Variants in FHIT observed in about 807,000 individuals in gnomAD.
FHIT encodes the protein fragile histidine triad diadenosine triphosphatase.
FHIT carries 19 observed loss-of-function variants against 17.9 expected under a neutral mutation model. That is an observed-to-expected ratio of 1.06 (90% CI 0.74 to 1.56). The LOEUF (loss-of-function observed/expected upper bound fraction) is 1.56. Among genes scored for constraint, FHIT ranks in the 40% most tolerant of loss-of-function variants. The pLI is 0.00. For missense variants in FHIT, 248 were observed against 189.2 expected, an observed-to-expected ratio of 1.31 and a Z score of -1.82; for synonymous variants, 81 against 69.7, an observed-to-expected ratio of 1.16 and a Z score of -0.81.
At chr3:60,526,865 G>A (rs1231989625) in intron 5 of FHIT, among the ~76,000 whole-genome samples, 2 of 152,178 alleles carry the variant, frequency 1.3e-5, no homozygotes, top group East Asian at 1.9e-4. Flanking sequence ...CCCAAGAGAT[G>A]TGACTTTTGA....
chr3:60,544,038 A>G (rs1375732826), intron 4 of FHIT, among the ~76,000 whole-genome samples: 1 of 149,632 alleles, frequency 6.7e-6, no homozygotes, highest in Non-Finnish European at 1.5e-5. Flanking sequence ...GATTACAGGC[A>G]TGAGCCACCG....
At chr3:60,926,470 G>A (rs146846098) in intron 3 of FHIT, among the ~76,000 whole-genome samples, 31 of 152,112 alleles carry the variant, frequency 2.0e-4, no homozygotes, top group African/African-American at 6.5e-4. Context: ...GGTACGTCGC[G>A]AAATGAAGAC....
At chr3:59,920,480 GGA>G (rs1445143632) in intron 8 of FHIT, among the ~76,000 whole-genome samples, 1 of 152,200 alleles carries the variant, frequency 6.6e-6, no homozygotes, top group African/African-American at 2.4e-5. Flanking sequence ...GAATAAGACA[GGA>G]GAGAGAGGCC....
intron 2 of FHIT, among the ~76,000 whole-genome samples, chr3:61,174,039 T>C (rs2038086814): frequency 6.6e-6 from 1 of 152,248 alleles, no homozygotes; most frequent in Non-Finnish European, 1.5e-5. Context: ...GACCCCATGA[T>C]ACTCATATTA....
intron 3 of FHIT, among the ~76,000 whole-genome samples, chr3:60,827,820 C>T (rs781847316): frequency 3.3e-5 from 5 of 152,220 alleles, no homozygotes; most frequent in Non-Finnish European, 5.9e-5. Context: ...GCTACATTTT[C>T]TGTTCCTGGA....
chr3:61,125,630 C>A (rs2036584551), intron 2 of FHIT, among the ~76,000 whole-genome samples: 2 of 152,136 alleles, frequency 1.3e-5, no homozygotes, highest in African/African-American at 4.8e-5. Context: ...TTATGAAAAT[C>A]ATCTGGCAAA....
chr3:59,919,919 T>C (rs1705321707), intron 8 of FHIT, among the ~76,000 whole-genome samples: 1 of 152,216 alleles, frequency 6.6e-6, no homozygotes, highest in Admixed American at 6.5e-5. Context: ...TTTTCATGCC[T>C]CTTTCTGGAC....
At chr3:59,977,334 A>G (rs1036060810) in intron 7 of FHIT, among the ~76,000 whole-genome samples, 3 of 152,124 alleles carry the variant, frequency 2.0e-5, no homozygotes, top group Non-Finnish European at 2.9e-5. Flanking sequence ...CCTAGCAAAG[A>G]TGACTACAAT....
intron 2 of FHIT, among the ~76,000 whole-genome samples, chr3:61,123,746 G>A (rs1370586683): frequency 6.6e-6 from 1 of 152,082 alleles, no homozygotes; most frequent in African/African-American, 2.4e-5. Context: ...ACTGGGTGGT[G>A]GGGGTGTTCT....
At chr3:60,284,149 G>C (rs1033493729) in intron 5 of FHIT, among the ~76,000 whole-genome samples, 1 of 152,096 alleles carries the variant, frequency 6.6e-6, no homozygotes. Flanking sequence ...TGTCTGAAGA[G>C]CAAACTGAAA....
chr3:60,667,452 A>C (rs535981097), intron 4 of FHIT, among the ~76,000 whole-genome samples: 2 of 151,772 alleles, frequency 1.3e-5, no homozygotes, highest in South Asian at 4.2e-4. Flanking sequence ...TTATTTCTAG[A>C]ATTTTTATTC....
At chr3:61,082,469 A>G (rs1049306408) in intron 2 of FHIT, among the ~76,000 whole-genome samples, 1 of 152,190 alleles carries the variant, frequency 6.6e-6, no homozygotes, top group Non-Finnish European at 1.5e-5. Flanking sequence ...TTACTTATTC[A>G]TTCTAATGTT....
chr3:60,710,395 C>T (rs1234921980), intron 4 of FHIT, among the ~76,000 whole-genome samples: 3 of 152,226 alleles, frequency 2.0e-5, no homozygotes, highest in Admixed American at 1.3e-4. Context: ...CGGTTCATCT[C>T]ACTAGGGAGT....
intron 5 of FHIT, among the ~76,000 whole-genome samples, chr3:60,057,435 G>C (rs1460790047): frequency 6.6e-6 from 1 of 152,120 alleles, no homozygotes. Flanking sequence ...TAAATATGTG[G>C]TAGGTCCATA....
At chr3:60,600,375 T>C (rs2038404108) in intron 4 of FHIT, among the ~76,000 whole-genome samples, 1 of 150,170 alleles carries the variant, frequency 6.7e-6, no homozygotes, top group Admixed American at 6.6e-5. Flanking sequence ...AAGAAAAAAA[T>C]AGTGCATCTG....
At chr3:60,351,913 T>C (rs1699419541) in intron 5 of FHIT, among the ~76,000 whole-genome samples, 2 of 152,184 alleles carry the variant, frequency 1.3e-5, no homozygotes, top group Admixed American at 1.3e-4. Context: ...AGCTAGCTCT[T>C]ACCCTGAAGA....
intron 8 of FHIT, among the ~76,000 whole-genome samples, chr3:59,886,013 T>C (rs1215590980): frequency 6.6e-6 from 1 of 152,148 alleles, no homozygotes; most frequent in South Asian, 2.1e-4. Context: ...AAAGACACAT[T>C]TGGGGAACAC....
At chr3:60,424,699 T>C (rs1702600004) in intron 5 of FHIT, among the ~76,000 whole-genome samples, 1 of 152,128 alleles carries the variant, frequency 6.6e-6, no homozygotes, top group Non-Finnish European at 1.5e-5. Context: ...CAGCAGGGGA[T>C]AAATATCTTG....
intron 4 of FHIT, among the ~76,000 whole-genome samples, chr3:60,734,987 C>A (rs1488538846): frequency 6.6e-6 from 1 of 152,170 alleles, no homozygotes; most frequent in African/African-American, 2.4e-5. Context: ...CAATTAGGAA[C>A]AACTCAGACA....
Sources: gnomAD v4.1 joint callset for allele counts (sites outside exome capture counted in the v4.1 genomes callset) on GRCh38, gnomAD v4.1.1 for gene constraint, MANE v1.5 for transcripts, NCBI Gene and HGNC (gene_info 2026-07-23, HGNC 2026-07-21) for gene names.